CSMD3: variants seen among roughly 807,000 people sequenced by gnomAD.
CSMD3 encodes CUB and Sushi multiple domains 3, also known as CUB and sushi domain-containing protein 3.
In CSMD3, 177 loss-of-function variants were observed where a neutral mutation model predicts 435.2. That is an observed-to-expected ratio of 0.41 (90% CI 0.36 to 0.46). The LOEUF (loss-of-function observed/expected upper bound fraction) is 0.46. Among genes scored for constraint, CSMD3 ranks in the 20% least tolerant of loss-of-function variants. The probability of loss-of-function intolerance (pLI) is 0.34; values close to 1 mark genes in which losing one functional copy is unlikely to be tolerated. For synonymous variants in CSMD3, 1,656 were observed against 1,520.5 expected (o/e 1.09, Z -2.07); for missense variants, 4,265 against 4,504.6 (o/e 0.95, Z 1.52).
chr8:112,796,602 T>C (rs528161936), intron 13 of CSMD3, among the ~76,000 whole-genome samples: 1 of 152,058 alleles, frequency 6.6e-6, no homozygotes, highest in African/African-American at 2.4e-5. Flanking sequence ...TGGATGTTAA[T>C]GTGTCCATTG....
At chr8:112,231,129 T>C (rs1049504310) in intron 69 of CSMD3, among the ~76,000 whole-genome samples, 3 of 152,234 alleles carry the variant, frequency 2.0e-5, no homozygotes, top group African/African-American at 7.2e-5. Context: ...TTCCAGACTC[T>C]GTGAGTTTCT....
intron 3 of CSMD3, among the ~76,000 whole-genome samples, chr8:113,246,819 G>A (rs946560899): frequency 6.6e-6 from 1 of 152,120 alleles, no homozygotes; most frequent in Admixed American, 6.6e-5. Context: ...AATTAAGTCT[G>A]CTTAATTATC....
intron 35 of CSMD3, among the ~76,000 whole-genome samples, chr8:112,398,255 G>C (rs1350459901): frequency 6.6e-6 from 1 of 152,148 alleles, no homozygotes; most frequent in Non-Finnish European, 1.5e-5. Context: ...CAGACACGCT[G>C]CAGGGAAGGT....
At chr8:112,780,980 G>A (rs1437300376) in intron 13 of CSMD3, among the ~76,000 whole-genome samples, 1 of 152,078 alleles carries the variant, frequency 6.6e-6, no homozygotes, top group Non-Finnish European at 1.5e-5. Flanking sequence ...TGAGACACCA[G>A]CTGGGGCAGT....
At chr8:113,159,530 T>C (rs1225156427) in intron 4 of CSMD3, among the ~76,000 whole-genome samples, 1 of 151,998 alleles carries the variant, frequency 6.6e-6, no homozygotes, top group African/African-American at 2.4e-5. Flanking sequence ...TGCATTTTTC[T>C]GAAGCAATTA....
chr8:112,681,455 A>C (rs930482977), intron 16 of CSMD3, among the ~76,000 whole-genome samples: 1 of 152,134 alleles, frequency 6.6e-6, no homozygotes, highest in African/African-American at 2.4e-5. Context: ...AATCTAAATA[A>C]AGGTCCCTCA....
chr8:113,186,649 A>G lies in CSMD3; in HGVS notation c.515-12733T>C, dbSNP rs535877687. 3.9e-5 allele frequency among the ~76,000 whole-genome samples: 6 copies of G among 151,956 alleles called. No homozygotes were observed. In the South Asian group the frequency reaches 8.3e-4, roughly 21 times the overall value. On this transcript the variant is annotated intron_variant, in intron 3 of 70. Transcript: ENST00000297405. ...GAACGACCCTGTATAAACCATTTCC[A>G]TTTTATTATGGAACTCTTCGGGGCA...
intron 1 of CSMD3, among the ~76,000 whole-genome samples, chr8:113,398,675 G>T (rs1425835585): frequency 1.3e-5 from 2 of 151,968 alleles, no homozygotes; most frequent in Admixed American, 6.6e-5. Flanking sequence ...TTCTAAAATT[G>T]TGCTTATTAT....
At chr8:112,413,321 G>C (rs1378823528) in intron 32 of CSMD3, among the ~76,000 whole-genome samples, 1 of 152,058 alleles carries the variant, frequency 6.6e-6, no homozygotes, top group Non-Finnish European at 1.5e-5. Context: ...TGAGAGGTAG[G>C]GTTCCATTGA....
chr8:112,224,713 A>G lies in CSMD3; in HGVS notation c.*58T>C, dbSNP rs932254710. 4.5e-6 allele frequency: 7 copies of G among 1,549,828 alleles called. No homozygotes were observed. The highest frequency in any genetic ancestry group is 3.3e-5 in the South Asian group (3 of 89,804). ...TTTAATTTGTTTAGCAGTGAACTAA[A>G]TGTGCACTGTTTTGTGTGTCGATTT... On this transcript the variant is annotated 3_prime_UTR_variant, in exon 71 of 71. Transcript: ENST00000297405.
intron 4 of CSMD3, among the ~76,000 whole-genome samples, chr8:113,124,082 A>G (rs2131645982): frequency 6.6e-6 from 1 of 152,066 alleles, no homozygotes; most frequent in Non-Finnish European, 1.5e-5. Flanking sequence ...CATCTGTACC[A>G]AATACGTGGT....
At chr8:112,861,173 C>T (rs893695671) in intron 10 of CSMD3, among the ~76,000 whole-genome samples, 10 of 151,712 alleles carry the variant, frequency 6.6e-5, no homozygotes, top group Middle Eastern at 3.4e-3. Flanking sequence ...GTGCTTCTTC[C>T]TCATTTTTCT....
chr8:112,692,310 G>A (rs1181578940), intron 13 of CSMD3, among the ~76,000 whole-genome samples: 2 of 151,786 alleles, frequency 1.3e-5, no homozygotes, highest in African/African-American at 4.8e-5. Context: ...AGATTTTATT[G>A]TTCACTTGTG....
chr8:113,279,905 C>T (rs1044697724), intron 2 of CSMD3, among the ~76,000 whole-genome samples: 16 of 151,778 alleles, frequency 1.1e-4, no homozygotes, highest in Admixed American at 4.6e-4. Flanking sequence ...AATGTTTTTT[C>T]TGCATCTGTT....
chr8:112,520,423 C>T (rs1015169642), intron 27 of CSMD3, among the ~76,000 whole-genome samples: 5 of 151,932 alleles, frequency 3.3e-5, no homozygotes, highest in Admixed American at 2.6e-4. Context: ...GGGCTCTTAA[C>T]CATTATAGTG....
chr8:112,658,958 AG>A, intron 17 of CSMD3, among the ~76,000 whole-genome samples: 1 of 152,280 alleles, frequency 6.6e-6, no homozygotes, highest in East Asian at 1.9e-4. Flanking sequence ...TTGTCTCAAA[AG>A]AAAAAAAAAA....
intron 20 of CSMD3, among the ~76,000 whole-genome samples, chr8:112,642,294 C>G (rs1475169316): frequency 1.3e-5 from 2 of 151,742 alleles, no homozygotes; most frequent in Non-Finnish European, 2.9e-5. Context: ...ATTTTTTTCT[C>G]TAGGTTTCCC....
chr8:112,874,180 T>G (rs969094901), intron 10 of CSMD3, among the ~76,000 whole-genome samples: 2 of 152,050 alleles, frequency 1.3e-5, no homozygotes, highest in African/African-American at 4.8e-5. Context: ...AGTAGTCATT[T>G]AGGAGCAGGT....
At chr8:112,872,206 T>C (rs1482337079) in intron 10 of CSMD3, among the ~76,000 whole-genome samples, 1 of 152,014 alleles carries the variant, frequency 6.6e-6, no homozygotes, top group Admixed American at 6.6e-5. Flanking sequence ...TTCAATAACA[T>C]TTAACTGAAC....
Sources: allele counts gnomAD v4.1 joint callset (sites outside exome capture counted in the v4.1 genomes callset), GRCh38; gene constraint gnomAD v4.1.1; transcripts MANE v1.5; gene names NCBI Gene and HGNC (gene_info 2026-07-23, HGNC 2026-07-21).